The following CCDC178 variants were observed in gnomAD, a reference collection of about 807,000 sequenced individuals.
The protein encoded by CCDC178 is coiled-coil domain containing 178, also known as coiled-coil domain-containing protein 178.
A neutral mutation model predicts 117.4 loss-of-function variants in CCDC178; 126 were observed. The observed-to-expected ratio is 1.07, with a 90% CI of 0.93 to 1.24. The LOEUF (loss-of-function observed/expected upper bound fraction) is 1.24. Among genes scored for constraint, CCDC178 ranks in the 50% most tolerant of loss-of-function variants. The pLI is 0.00. For synonymous variants in CCDC178, 283 were observed against 313.4 expected (o/e 0.90, Z 1.02); for missense variants, 1,030 against 986.9 (o/e 1.04, Z -0.59).
At chr18:33,027,456 A>G (rs1011492028) in intron 21 of CCDC178, among the ~76,000 whole-genome samples, 102 of 151,838 alleles carry the variant, frequency 6.7e-4, no homozygotes, top group African/African-American at 2.3e-3. Flanking sequence ...AAAAATAGTG[A>G]GACTTGATTA....
intron 21 of CCDC178, among the ~76,000 whole-genome samples, chr18:33,042,243 C>T (rs113679838): frequency 2.6e-5 from 4 of 151,900 alleles, no homozygotes; most frequent in South Asian, 2.1e-4. Context: ...AAACATGGCA[C>T]AATTAATAGT....
chr18:33,110,422 A>G (rs1395654152), intron 20 of CCDC178, among the ~76,000 whole-genome samples: 1 of 151,568 alleles, frequency 6.6e-6, no homozygotes, highest in East Asian at 1.9e-4. Flanking sequence ...TAAACTATGT[A>G]TTTCTTTCAT....
At chr18:33,113,165 A>G (rs199617) in intron 20 of CCDC178, among the ~76,000 whole-genome samples, 1 of 152,054 alleles carries the variant, frequency 6.6e-6, no homozygotes. Flanking sequence ...AGAAAAAAAC[A>G]CAATGAATCA....
chr18:33,117,463 A>C (rs1252801727), intron 20 of CCDC178, among the ~76,000 whole-genome samples: 1 of 152,056 alleles, frequency 6.6e-6, no homozygotes, highest in African/African-American at 2.4e-5. Context: ...CTGATATGGC[A>C]ACATTCCCTG....
chr18:33,430,184 C>T (rs2064190057), intron 2 of CCDC178, among the ~76,000 whole-genome samples: 1 of 152,164 alleles, frequency 6.6e-6, no homozygotes. Context: ...AAGTAAGCCT[C>T]TGACAGCTTC....
intron 21 of CCDC178, among the ~76,000 whole-genome samples, chr18:32,993,326 A>G: frequency 6.6e-6 from 1 of 152,176 alleles, no homozygotes; most frequent in Non-Finnish European, 1.5e-5. Context: ...TCAGAGTGCC[A>G]AGGCAGTTTA....
chr18:33,356,333 A>C lies in CCDC178; in HGVS notation c.362T>G (p.Phe121Cys), dbSNP rs1382430878. The change falls in exon 7 of 23, where the codon TTT (phenylalanine) becomes TGT (cysteine). Residue 121 changes from phenylalanine to cysteine, a missense_variant. Physicochemically the swap from Phe to Cys is radical, Grantham distance 205 (BLOSUM62 -2). Transcript: ENST00000383096. Reference sequence around the variant, plus strand: ...CATGAAATTTTCTTACCATTCTTCAAAAGAAGTTTCAAACTGTCAAAACAA... The same window carrying C: ...CATGAAATTTTCTTACCATTCTTCACAAGAAGTTTCAAACTGTCAAAACAA... ...QEHLKRFETS[F>C]EEWSRTSSTK... is the part of the protein sequence containing the mutation. 1 of 1,483,022 alleles carries C rather than the reference A, an allele frequency of 6.7e-7. No homozygotes were observed. Among genetic ancestry groups the C allele is most frequent in the Non-Finnish European group, 9.1e-7 (1 of 1,097,646 alleles). The allele number at this position is 1,483,022 out of a possible 1,614,324, so 91.9% of individuals were successfully genotyped here. A position where few individuals can be genotyped will look rare whatever the true frequency, so the allele number is the denominator to read the frequency against.
chr18:33,206,759 A>G (rs924882322), intron 20 of CCDC178, among the ~76,000 whole-genome samples: 3 of 152,186 alleles, frequency 2.0e-5, no homozygotes, highest in African/African-American at 7.2e-5. Context: ...TGAATTCACC[A>G]TACACTTCTT....
chr18:33,173,309 C>CA (rs1405262349), intron 20 of CCDC178, among the ~76,000 whole-genome samples: 1 of 152,152 alleles, frequency 6.6e-6, no homozygotes, highest in Non-Finnish European at 1.5e-5. Context: ...CTCAGCCTCC[C>CA]AAAGTGCTGG....
intron 6 of CCDC178, among the ~76,000 whole-genome samples, chr18:33,365,053 T>C (rs2063183026): frequency 6.6e-6 from 1 of 151,934 alleles, no homozygotes; most frequent in South Asian, 2.1e-4. Flanking sequence ...GACCAAATAC[T>C]CCAACTGATG....
At chr18:33,226,931 T>A (rs1003779574) in intron 15 of CCDC178, 76 bp from the exon 16 acceptor site, 18 of 664,156 alleles carry the variant, frequency 2.7e-5, no homozygotes, top group Non-Finnish European at 4.6e-5. Context: ...CAATTGCTAA[T>A]ATAAGACACA....
chr18:33,266,947 T>C lies in CCDC178; in HGVS notation c.1378A>G (p.Ile460Val), dbSNP rs145094687. The C allele has an allele frequency of 1.3e-5, 20 of 1,587,172 alleles. No homozygotes were observed. Among genetic ancestry groups the C allele is most frequent in the African/African-American group, 9.6e-5 (7 of 73,086 alleles). ...TEDNKKLEID[I>V]NKITVKTNES... is the part of the protein sequence containing the mutation. ...TTGGTTTTTACTGTTATTTTGTTAATATCAATCTCAAGTTTTTTATTGTCT... is the reference window on the plus strand; with the variant it reads ...TTGGTTTTTACTGTTATTTTGTTAACATCAATCTCAAGTTTTTTATTGTCT... The change falls in exon 14 of 23, where the codon ATT becomes GTT. Residue 460 changes from isoleucine (I) to valine (V), a missense_variant. Physicochemically the swap from Ile to Val is conservative, Grantham distance 29 (BLOSUM62 3). Coordinates refer to ENST00000383096, the MANE Select transcript of CCDC178 (RefSeq NM_001105528.4).
At chr18:33,347,226 C>T (rs1168959503) in intron 8 of CCDC178, among the ~76,000 whole-genome samples, 1 of 151,820 alleles carries the variant, frequency 6.6e-6, no homozygotes, top group Non-Finnish European at 1.5e-5. Context: ...GAAATAAGGC[C>T]CCGAAAGAAC....
At chr18:33,270,115 C>T (rs896385258) in intron 12 of CCDC178, among the ~76,000 whole-genome samples, 5 of 151,234 alleles carry the variant, frequency 3.3e-5, no homozygotes, top group African/African-American at 9.7e-5. Flanking sequence ...TATCTGCACT[C>T]AACAGCATAT....
At chr18:32,974,447 A>G in intron 22 of CCDC178, 100 bp downstream of exon 22, 1 of 1,147,798 alleles carries the variant, frequency 8.7e-7, no homozygotes, top group Non-Finnish European at 1.3e-6. Context: ...AATTTATAAA[A>G]CTCTGATGGG....
At chr18:32,981,428 A>T (rs184286311) in intron 21 of CCDC178, among the ~76,000 whole-genome samples, 3 of 152,312 alleles carry the variant, frequency 2.0e-5, no homozygotes, top group African/African-American at 7.2e-5. Context: ...AAATATAGAA[A>T]ATGTCAGGAT....
chr18:32,964,218 T>C (rs112204149), intron 22 of CCDC178, among the ~76,000 whole-genome samples: 1 of 152,164 alleles, frequency 6.6e-6, no homozygotes, highest in African/African-American at 2.4e-5. Flanking sequence ...GATTTACATT[T>C]AAAGGAAGAT....
intron 15 of CCDC178, among the ~76,000 whole-genome samples, chr18:33,240,248 C>T (rs1425491223): frequency 1.3e-5 from 2 of 151,442 alleles, no homozygotes; most frequent in East Asian, 3.9e-4. Flanking sequence ...TTTTAACAGC[C>T]AAGTTCATAG....
rs76720472 is a variant in CCDC178 at position 33,418,295 on chromosome 18, T to G, written c.-22-6185A>C. On this transcript the variant is annotated intron_variant, in intron 2 of 22. Coordinates refer to ENST00000383096, the MANE Select transcript of CCDC178 (RefSeq NM_001105528.4). ...TTTGATAAGATTTAACATCCATTCA[T>G]GTTAAAAACCTTCAACAAACCTGGC... 3.9e-5 allele frequency among the ~76,000 whole-genome samples: 6 copies of G among 152,326 alleles called. No individual in the cohort carries two copies. In the East Asian group the frequency reaches 9.6e-4, roughly 24 times the overall value.
Sources: gnomAD v4.1 joint callset for allele counts (sites outside exome capture counted in the v4.1 genomes callset) on GRCh38, gnomAD v4.1.1 for gene constraint, MANE v1.5 for transcripts, NCBI Gene and HGNC (gene_info 2026-07-23, HGNC 2026-07-21) for gene names.